CWC27: variants seen among roughly 807,000 people sequenced by gnomAD.
The protein encoded by CWC27 is spliceosome-associated protein CWC27 homolog.
A neutral mutation model predicts 63.6 loss-of-function variants in CWC27; 47 were observed. The observed-to-expected ratio is 0.74, with a 90% CI of 0.58 to 0.94. The LOEUF (loss-of-function observed/expected upper bound fraction) is 0.94, where lower values mean the gene tolerates loss of function less well. CWC27 is among the 40% of genes least tolerant of loss of function. The pLI, the probability that CWC27 is intolerant of heterozygous loss-of-function variation, is 0.00. For synonymous variants in CWC27, 175 were observed against 179.8 expected (o/e 0.97, Z 0.22); for missense variants, 495 against 554.3 (o/e 0.89, Z 1.07).
chr5:65,015,139 T>C (rs762359335), intron 13 of CWC27, among the ~76,000 whole-genome samples: 5 of 152,312 alleles, frequency 3.3e-5, no homozygotes, highest in Non-Finnish European at 7.4e-5. Context: ...TTCATGTGTC[T>C]AGAGTTCATT....
chr5:64,931,828 T>C (rs1427966484), intron 11 of CWC27, among the ~76,000 whole-genome samples: 1 of 152,130 alleles, frequency 6.6e-6, no homozygotes, highest in Non-Finnish European at 1.5e-5. Context: ...TTTTGACATT[T>C]GTCAATGTTT....
chr5:64,857,225 T>G (rs527477538), intron 10 of CWC27, among the ~76,000 whole-genome samples: 48 of 152,308 alleles, frequency 3.2e-4, no homozygotes, highest in Non-Finnish European at 5.7e-4. Context: ...CCCTACTTCC[T>G]TTTTCACCAG....
At position 64,865,527 on chromosome 5, in the gene CWC27, G is replaced by A. The variant is rs532647035; in HGVS notation, c.939-19916G>A. On this transcript the variant is annotated intron_variant, in intron 10 of 13. Coordinates refer to ENST00000381070, the MANE Select transcript of CWC27 (RefSeq NM_005869.4). ...GGTATGACATAAAGTAGGACTTTGG[G>A]AATGGATGTGATTGGAAACGGTGAT... Among the ~76,000 whole-genome samples, 67 of 152,130 alleles carry A rather than the reference G, an allele frequency of 4.4e-4. 2 individuals are homozygous for A. Among genetic ancestry groups the A allele is most frequent in the Middle Eastern group, 6.8e-3 (2 of 294 alleles).
intron 11 of CWC27, among the ~76,000 whole-genome samples, chr5:64,948,545 C>T (rs989389810): frequency 6.6e-6 from 1 of 151,802 alleles, no homozygotes; most frequent in Non-Finnish European, 1.5e-5. Flanking sequence ...TATATTGCAC[C>T]ATGCTAGACC....
At chr5:64,938,451 G>C (rs967359523) in intron 11 of CWC27, among the ~76,000 whole-genome samples, 2 of 152,174 alleles carry the variant, frequency 1.3e-5, no homozygotes, top group Non-Finnish European at 2.9e-5. Flanking sequence ...CTTCTGGCTT[G>C]TAGGGTTTCT....
At chr5:64,885,578 T>G (rs1195400226) in intron 11 of CWC27, 32 bp downstream of exon 11, 1 of 1,463,502 alleles carries the variant, frequency 6.8e-7, no homozygotes, top group Admixed American at 1.9e-5. Context: ...ATTTTTTCAC[T>G]TGATACTCCT....
At chr5:64,837,114 C>T (rs1443189953) in intron 10 of CWC27, among the ~76,000 whole-genome samples, 1 of 152,064 alleles carries the variant, frequency 6.6e-6, no homozygotes. Context: ...GTCATTCAAG[C>T]TCAAGTCTTT....
chr5:64,916,896 AG>A (rs1747899733), intron 11 of CWC27, among the ~76,000 whole-genome samples: 1 of 149,594 alleles, frequency 6.7e-6, no homozygotes, highest in Admixed American at 6.7e-5. Context: ...TAGTAGTAGT[AG>A]TAGTAGTAGT....
At chr5:64,951,244 C>T (rs1342312227) in intron 11 of CWC27, among the ~76,000 whole-genome samples, 3 of 151,592 alleles carry the variant, frequency 2.0e-5, no homozygotes, top group South Asian at 4.2e-4. Context: ...ATGGTATTAT[C>T]GGTGTTTAAT....
At chr5:64,890,549 A>AC (rs1561448612) in intron 11 of CWC27, among the ~76,000 whole-genome samples, 1 of 149,392 alleles carries the variant, frequency 6.7e-6, no homozygotes, top group Non-Finnish European at 1.5e-5. Flanking sequence ...CTGTTGAGTT[A>AC]TTTTTTTTTT....
At chr5:64,963,508 G>A (rs111733127) in intron 11 of CWC27, among the ~76,000 whole-genome samples, 17 of 152,156 alleles carry the variant, frequency 1.1e-4, no homozygotes, top group African/African-American at 2.2e-4. Context: ...AAACATGAAC[G>A]TACTATGACC....
rs560019446 is a variant in CWC27 at position 65,000,788 on chromosome 5, G to A, written c.1257-17371G>A. ...ACCTCCAGCTTTGTTCTTTGTGCTC[G>A]GTATTGCTATGGCTATTTGGTGTCT... On this transcript the variant is annotated intron_variant, in intron 13 of 13. Transcript: ENST00000381070. 7.9e-5 allele frequency among the ~76,000 whole-genome samples: 12 copies of A among 151,920 alleles called. No individual in the cohort carries two copies. In the East Asian group the frequency reaches 1.4e-3, roughly 17 times the overall value.
chr5:64,933,207 T>C (rs747758846), intron 11 of CWC27, among the ~76,000 whole-genome samples: 1 of 152,172 alleles, frequency 6.6e-6, no homozygotes, highest in Non-Finnish European at 1.5e-5. Flanking sequence ...CTGCTCTAGT[T>C]GATCTGTAGG....
chr5:64,792,307 T>C (rs1207060236), intron 7 of CWC27, among the ~76,000 whole-genome samples: 1 of 152,162 alleles, frequency 6.6e-6, no homozygotes. Flanking sequence ...GTACTTTTAA[T>C]GAATTCCAGA....
intron 10 of CWC27, among the ~76,000 whole-genome samples, chr5:64,868,592 A>G (rs1044648203): frequency 2.0e-5 from 3 of 152,046 alleles, no homozygotes; most frequent in African/African-American, 7.2e-5. Context: ...CTGGGAGTAA[A>G]GACCAGCAAT....
chr5:64,777,300 A>T (rs1398808904), intron 2 of CWC27, among the ~76,000 whole-genome samples: 2 of 152,132 alleles, frequency 1.3e-5, no homozygotes, highest in Non-Finnish European at 2.9e-5. Flanking sequence ...AAATATAAGC[A>T]TAAATATGCT....
chr5:64,876,070 G>A (rs949705015), intron 10 of CWC27, among the ~76,000 whole-genome samples: 9 of 151,996 alleles, frequency 5.9e-5, no homozygotes, highest in Admixed American at 5.2e-4. Context: ...ACAGAGCTTC[G>A]AACACAGAGT....
chr5:64,825,830 C>T (rs1022587769), intron 10 of CWC27, among the ~76,000 whole-genome samples: 4 of 152,134 alleles, frequency 2.6e-5, no homozygotes, highest in Non-Finnish European at 5.9e-5. Flanking sequence ...TTGTGATTAA[C>T]GTCTACAATC....
Position 64,808,079 on chromosome 5 carries a change from T to C in CWC27, c.938+3693T>C, listed in dbSNP as rs1012926378. The C allele has an allele frequency of 4.1e-6, 5 of 1,226,582 alleles. 1 individual carries two copies. The South Asian group carries it at 6.0e-5, about 15-fold the overall frequency. The allele number at this position is 1,226,582 out of a possible 1,614,324, so 76.0% of individuals were successfully genotyped here. On this transcript the variant is annotated intron_variant, in intron 10 of 13. Coordinates refer to ENST00000381070, the MANE Select transcript of CWC27 (RefSeq NM_005869.4). ...TTGAGACTAATCTCTCTCAAGAACC[T>C]TACTATTTAAAGTGTGATCTGTGAA... is the stretch of plus-strand genomic sequence containing the variant.
Sources: allele counts gnomAD v4.1 joint callset (sites outside exome capture counted in the v4.1 genomes callset), GRCh38; gene constraint gnomAD v4.1.1; transcripts MANE v1.5; gene names NCBI Gene and HGNC (gene_info 2026-07-23, HGNC 2026-07-21).